OR2C1: variants seen among roughly 807,000 people sequenced by gnomAD.
OR2C1 encodes olfactory receptor family 2 subfamily C member 1.
For synonymous variants in OR2C1, 209 were observed against 167.3 expected, an observed-to-expected ratio of 1.25 and a Z score of -1.92; for missense variants, 468 against 388.3, an observed-to-expected ratio of 1.21 and a Z score of -1.73.
chr16:3,343,023 A>G, the OR2C1 span, among the ~76,000 whole-genome samples: 1 of 152,220 alleles, frequency 6.6e-6, no homozygotes, highest in South Asian at 2.1e-4. Flanking sequence ...TGAAATGACA[A>G]AATTTTACAA....
At chr16:3,328,845 G>A in the OR2C1 span, among the ~76,000 whole-genome samples, 47 of 152,214 alleles carry the variant, frequency 3.1e-4, no homozygotes, top group African/African-American at 1.0e-3. Context: ...GTTGCCCCAC[G>A]CCCTGTCTAA....
At chr16:3,349,157 G>C in the OR2C1 span, among the ~76,000 whole-genome samples, 3 of 152,198 alleles carry the variant, frequency 2.0e-5, no homozygotes, top group South Asian at 6.2e-4. Context: ...AACTAAGTTT[G>C]ATAATGTCAC....
the OR2C1 span, among the ~76,000 whole-genome samples, chr16:3,327,562 C>T: frequency 6.6e-6 from 1 of 151,528 alleles, no homozygotes; most frequent in Admixed American, 6.6e-5. Flanking sequence ...ATGAGAACAC[C>T]AGGCATCCCA....
the OR2C1 span, among the ~76,000 whole-genome samples, chr16:3,347,538 A>C: frequency 1.3e-5 from 2 of 149,000 alleles, no homozygotes; most frequent in Non-Finnish European, 3.0e-5. Context: ...CTCCGTCCAC[A>C]CCTCCACTCC....
At chr16:3,325,124 G>A in the OR2C1 span, among the ~76,000 whole-genome samples, 1 of 152,102 alleles carries the variant, frequency 6.6e-6, no homozygotes, top group African/African-American at 2.4e-5. Flanking sequence ...TGGGATTACA[G>A]GCACCTGCCA....
At chr16:3,351,152 A>C (rs900122532), upstream of OR2C1, among the ~76,000 whole-genome samples, 2 of 151,156 alleles carry the variant, frequency 1.3e-5, no homozygotes, top group African/African-American at 2.4e-5. Context: ...TATCACACCA[A>C]CACCTCAAAA....
chr16:3,353,851 G>T (rs2030613051), upstream of OR2C1, among the ~76,000 whole-genome samples: 1 of 152,018 alleles, frequency 6.6e-6, no homozygotes, highest in South Asian at 2.1e-4. Flanking sequence ...AAGGGCTGTG[G>T]TTTATGATCT....
At chr16:3,324,968 T>TTTGTA in the OR2C1 span, among the ~76,000 whole-genome samples, 10 of 152,156 alleles carry the variant, frequency 6.6e-5, no homozygotes, top group East Asian at 1.9e-4. Flanking sequence ...ATTTTTCAGT[T>TTTGTA]TTGTATTGTA....
the OR2C1 span, among the ~76,000 whole-genome samples, chr16:3,325,460 A>AAAAT: frequency 3.2e-5 from 3 of 93,164 alleles, no homozygotes; most frequent in African/African-American, 1.1e-4. Flanking sequence ...TATGTCTAAA[A>AAAAT]ATATATATAT....
chr16:3,337,950 C>G, the OR2C1 span, among the ~76,000 whole-genome samples: 3 of 152,176 alleles, frequency 2.0e-5, no homozygotes, highest in African/African-American at 7.2e-5. Context: ...CCATGCCTCC[C>G]CACAAGCTGC....
At chr16:3,347,386 C>A in the OR2C1 span, among the ~76,000 whole-genome samples, 2 of 151,788 alleles carry the variant, frequency 1.3e-5, no homozygotes, top group Non-Finnish European at 2.9e-5. Context: ...TAGAGCCAGA[C>A]CCTGTCTCTA....
At chr16:3,327,839 T>C in the OR2C1 span, among the ~76,000 whole-genome samples, 2 of 151,660 alleles carry the variant, frequency 1.3e-5, no homozygotes, top group African/African-American at 4.9e-5. Flanking sequence ...CTCACTTGCA[T>C]TGGCTTTAAT....
At chr16:3,357,420 C>T (rs1368689669), downstream of OR2C1, 1 of 155,048 alleles carries the variant, frequency 6.4e-6, no homozygotes, top group African/African-American at 2.4e-5. Flanking sequence ...GTTGCCCAGG[C>T]TGAAGTAGAG....
chr16:3,345,051 G>T, the OR2C1 span, among the ~76,000 whole-genome samples: 1 of 151,962 alleles, frequency 6.6e-6, no homozygotes, highest in African/African-American at 2.4e-5. Context: ...TAGTGTAATG[G>T]ACAAATAAAA....
Position 3,356,705 on chromosome 16 carries a change from C to T in OR2C1, c.765C>T (p.Ala255=), listed in dbSNP as rs2030684772. Residue 255 remains alanine (A), a synonymous_variant, in exon 1 of 1, where the codon GCC becomes GCT. Coordinates refer to ENST00000304936, the MANE Select transcript of OR2C1 (RefSeq NM_012368.3). ...LLVVFLFYGS[A]SYGYLLPAKN... ...TGGTGTTCCTCTTCTATGGCTCAGCCAGCTATGGGTATCTGCTTCCGGCCA... is the reference window on the plus strand; with the variant it reads ...TGGTGTTCCTCTTCTATGGCTCAGCTAGCTATGGGTATCTGCTTCCGGCCA... 1.9e-6 allele frequency: 3 copies of T among 1,614,200 alleles called. No homozygotes were observed. The South Asian group carries it at 3.3e-5, about 18-fold the overall frequency.
At chr16:3,338,812 G>A in the OR2C1 span, among the ~76,000 whole-genome samples, 7 of 151,894 alleles carry the variant, frequency 4.6e-5, no homozygotes, top group African/African-American at 1.7e-4. Flanking sequence ...CTGGGATTAC[G>A]GGCTTGAGCC....
chr16:3,335,219 T>C, the OR2C1 span, among the ~76,000 whole-genome samples: 2 of 152,220 alleles, frequency 1.3e-5, no homozygotes, highest in African/African-American at 4.8e-5. Context: ...GTGAAGAATG[T>C]CATTGGCATT....
chr16:3,323,431 G>C, the OR2C1 span: 2 of 755,872 alleles, frequency 2.6e-6, no homozygotes, highest in Admixed American at 3.5e-5. Context: ...CTGTCAGAGG[G>C]ATGGTGTTCT....
chr16:3,353,842 A>C (rs1165078303), upstream of OR2C1, among the ~76,000 whole-genome samples: 2 of 151,682 alleles, frequency 1.3e-5, no homozygotes, highest in Non-Finnish European at 2.9e-5. Flanking sequence ...AGGAAGGGGA[A>C]GGGCTGTGGT....
Sources: allele counts gnomAD v4.1 joint callset (sites outside exome capture counted in the v4.1 genomes callset), GRCh38; gene constraint gnomAD v4.1.1; transcripts MANE v1.5; gene names NCBI Gene and HGNC (gene_info 2026-07-23, HGNC 2026-07-21).